Variants in SYT2 observed in about 807,000 individuals in gnomAD.
SYT2 encodes synaptotagmin-2.
Under a neutral mutation model 39.9 loss-of-function variants are expected in SYT2, and 15 were observed. The observed-to-expected ratio is 0.38, with a 90% CI of 0.25 to 0.58. SYT2 has a LOEUF of 0.58. SYT2 is among the 20% of genes least tolerant of loss of function. The pLI is 0.70. For synonymous variants in SYT2, 181 were observed against 204.5 expected (o/e 0.89, Z 0.98); for missense variants, 389 against 530.3 (o/e 0.73, Z 2.62).
intron 1 of SYT2, among the ~76,000 whole-genome samples, chr1:202,610,278 T>C (rs1690850594): frequency 6.6e-6 from 1 of 152,240 alleles, no homozygotes; most frequent in Non-Finnish European, 1.5e-5. Flanking sequence ...CATGCTGTTT[T>C]GGTTACTGTA....
In SYT2 at chr1:202,596,681, G is replaced by C; in HGVS notation, c.*76C>G. On this transcript the variant is annotated 3_prime_UTR_variant, in exon 9 of 9. Transcript: ENST00000367268. ...TGAAAGAAAAAAGAAAACCTCTAAG[G>C]TTGCATAACTGAGGTATTGATAGCT... 1 of 1,362,040 alleles carries C rather than the reference G, an allele frequency of 7.3e-7. No individual in the cohort carries two copies. The allele number at this position is 1,362,040 out of a possible 1,614,324, so 84.4% of individuals were successfully genotyped here. A position where few individuals can be genotyped will look rare whatever the true frequency, so the allele number is the denominator to read the frequency against.
Position 202,618,476 on chromosome 1 carries a change from C to A in SYT2, c.-17-12687G>T, listed in dbSNP as rs548418573. Among the ~76,000 whole-genome samples, 35 of 151,960 alleles carry A rather than the reference C, an allele frequency of 2.3e-4. No homozygotes were observed. The South Asian group carries it at 6.0e-3, about 26-fold the overall frequency. On this transcript the variant is annotated intron_variant, in intron 1 of 8. Transcript: ENST00000367268. ...GCATGGGAAGTGGGGGCATTGCACA[C>A]AGCTTTGGGAACTGCCCACCCTTCC... is the stretch of plus-strand genomic sequence containing the variant.
At chr1:202,642,513 C>T (rs1160774348) in intron 1 of SYT2, among the ~76,000 whole-genome samples, 1 of 152,216 alleles carries the variant, frequency 6.6e-6, no homozygotes, top group Non-Finnish European at 1.5e-5. Context: ...ATCGCCCACC[C>T]GGGTCTCTGC....
At chr1:202,613,373 G>A (rs1467939577) in intron 1 of SYT2, among the ~76,000 whole-genome samples, 1 of 152,098 alleles carries the variant, frequency 6.6e-6, no homozygotes, top group Non-Finnish European at 1.5e-5. Context: ...CAGCCACCGC[G>A]TTCAGCCTGA....
intron 1 of SYT2, among the ~76,000 whole-genome samples, chr1:202,663,351 C>T (rs959243290): frequency 4.6e-5 from 7 of 152,154 alleles, no homozygotes; most frequent in Admixed American, 6.5e-5. Flanking sequence ...AGCCTGCTCC[C>T]GGCCCTGCCC....
chr1:202,633,214 A>AT (rs1245221266), intron 1 of SYT2, among the ~76,000 whole-genome samples: 2 of 152,136 alleles, frequency 1.3e-5, no homozygotes, highest in African/African-American at 4.8e-5. Flanking sequence ...TTAAGTCACC[A>AT]AAATATGCTG....
intron 1 of SYT2, among the ~76,000 whole-genome samples, chr1:202,660,438 A>G (rs1226621273): frequency 6.6e-6 from 1 of 152,174 alleles, no homozygotes; most frequent in African/African-American, 2.4e-5. Context: ...GCAGGTGAGA[A>G]AGACAGGAAT....
At position 202,628,877 on chromosome 1, in the gene SYT2, C is replaced by A. The variant is rs12045795; in HGVS notation, c.-17-23088G>T. On this transcript the variant is annotated intron_variant, in intron 1 of 8. Coordinates refer to ENST00000367268, the MANE Select transcript of SYT2 (RefSeq NM_177402.5). The surrounding 1 kb of genome is among the most constrained non-coding windows in gnomAD (Gnocchi z 4.2). ...GGCAGACTGACCTGGACTGGAGTCTCGGCTCTTTTAGCCATGGGAACTTGA... is the reference window on the plus strand; with the variant it reads ...GGCAGACTGACCTGGACTGGAGTCTAGGCTCTTTTAGCCATGGGAACTTGA... Among the ~76,000 whole-genome samples, 11,966 of 152,300 alleles carry A rather than the reference C, an allele frequency of 0.079. 775 individuals are homozygous for A. The highest frequency in any genetic ancestry group is 0.32 in the East Asian group (1,649 of 5,162).
intron 1 of SYT2, among the ~76,000 whole-genome samples, chr1:202,616,101 C>G (rs1691024056): frequency 6.6e-6 from 1 of 152,192 alleles, no homozygotes; most frequent in South Asian, 2.1e-4. Context: ...CAGGAAACGC[C>G]TCCCCACCAG....
intron 1 of SYT2, among the ~76,000 whole-genome samples, chr1:202,641,825 C>G (rs186362420): frequency 1.3e-5 from 2 of 152,340 alleles, no homozygotes; most frequent in African/African-American, 4.8e-5. Context: ...CACAGCCAAC[C>G]TTTCTCTAGG....
chr1:202,640,575 G>T (rs1691876601), intron 1 of SYT2, among the ~76,000 whole-genome samples: 1 of 152,110 alleles, frequency 6.6e-6, no homozygotes, highest in South Asian at 2.1e-4. Context: ...TTCCTAGAAG[G>T]TTTGGGGAAT....
At chr1:202,701,750 AC>A (rs1654128515) in intron 1 of SYT2, among the ~76,000 whole-genome samples, 1 of 151,794 alleles carries the variant, frequency 6.6e-6, no homozygotes, top group South Asian at 2.1e-4. Context: ...GACCTTATGG[AC>A]CCCCCTGAAA....
intron 1 of SYT2, among the ~76,000 whole-genome samples, chr1:202,706,435 C>T (rs533757563): frequency 2.6e-5 from 4 of 152,114 alleles, no homozygotes; most frequent in South Asian, 2.1e-4. Flanking sequence ...ACTCCTCCCG[C>T]GCCAGGCACT....
chr1:202,611,488 G>C (rs1206819309), intron 1 of SYT2, among the ~76,000 whole-genome samples: 1 of 151,626 alleles, frequency 6.6e-6, no homozygotes, highest in African/African-American at 2.4e-5. Context: ...AAGTAGCTGG[G>C]ATTGTTATAG....
chr1:202,694,489 G>A (rs1435012620), intron 1 of SYT2, among the ~76,000 whole-genome samples: 2 of 152,088 alleles, frequency 1.3e-5, no homozygotes, highest in Non-Finnish European at 2.9e-5. Flanking sequence ...GCCTGCCCAC[G>A]TGGTGAGGGA....
chr1:202,640,776 GAGAGAGAGAGAGAGAGAC>G (rs1558443879), intron 1 of SYT2, among the ~76,000 whole-genome samples: 10 of 141,830 alleles, frequency 7.1e-5, no homozygotes, highest in Non-Finnish European at 1.2e-4. Context: ...GAGAGAGAGA[GAGAGAGAGAGAGAGAGAC>G]AGACAGACAG....
intron 1 of SYT2, among the ~76,000 whole-genome samples, chr1:202,687,979 G>A (rs1431082934): frequency 6.6e-6 from 1 of 152,148 alleles, no homozygotes; most frequent in African/African-American, 2.4e-5. Flanking sequence ...TTAACGGGAT[G>A]GAGGCGGTGC....
intron 1 of SYT2, chr1:202,636,412 G>A (rs985304073): frequency 6.1e-6 from 6 of 984,922 alleles, no homozygotes; most frequent in Non-Finnish European, 6.0e-6. Context: ...CTGTGCATCC[G>A]CTAGGCTCAC....
intron 4 of SYT2, 35 bp downstream of exon 4, chr1:202,602,964 A>G (rs1311925657): frequency 7.7e-6 from 11 of 1,429,254 alleles, no homozygotes; most frequent in Middle Eastern, 1.8e-4. Flanking sequence ...GCCTCTCCCC[A>G]TTCCCCCACT....
Sources: allele counts gnomAD v4.1 joint callset (sites outside exome capture counted in the v4.1 genomes callset), GRCh38; gene constraint gnomAD v4.1.1; non-coding constraint Gnocchi (gnomAD v3.1); transcripts MANE v1.5; gene names NCBI Gene and HGNC (gene_info 2026-07-23, HGNC 2026-07-21).